Variants in PDS5B observed in about 807,000 individuals in gnomAD.
PDS5B encodes sister chromatid cohesion protein PDS5 homolog B.
PDS5B carries 51 observed loss-of-function variants against 184.1 expected under a neutral mutation model. That is an observed-to-expected ratio of 0.28 (90% CI 0.22 to 0.35). PDS5B has a LOEUF of 0.35. PDS5B is among the 10% of genes least tolerant of loss of function. PDS5B has a pLI of 1.00. For missense variants in PDS5B, 1,180 were observed against 1,723.3 expected (o/e 0.68, Z 5.58); for synonymous variants, 566 against 569.2 (o/e 0.99, Z 0.08).
intron 33 of PDS5B, 159 bp downstream of exon 33, chr13:32,770,920 C>T: frequency 3.2e-6 from 2 of 618,698 alleles, no homozygotes; most frequent in Non-Finnish European, 5.8e-6. Flanking sequence ...TGATTGATAT[C>T]TCAATAAACT....
At chr13:32,645,166 A>G (rs1306727197) in intron 1 of PDS5B, among the ~76,000 whole-genome samples, 7 of 151,992 alleles carry the variant, frequency 4.6e-5, no homozygotes, top group South Asian at 2.1e-4. Context: ...ATTTTTTTGT[A>G]GGGGCAAGAT....
At chr13:32,732,740 C>G (rs1953168889) in intron 20 of PDS5B, among the ~76,000 whole-genome samples, 2 of 151,806 alleles carry the variant, frequency 1.3e-5, no homozygotes, top group South Asian at 4.2e-4. Context: ...TAACTTTTAC[C>G]CAGGCATTGC....
intron 14 of PDS5B, among the ~76,000 whole-genome samples, chr13:32,695,001 C>T (rs1031231002): frequency 1.2e-4 from 18 of 151,724 alleles, no homozygotes; most frequent in African/African-American, 4.1e-4. Flanking sequence ...ATCTCCCTTC[C>T]ACACATACAC....
intron 1 of PDS5B, among the ~76,000 whole-genome samples, chr13:32,589,273 A>G (rs943137403): frequency 6.6e-6 from 1 of 152,226 alleles, no homozygotes; most frequent in African/African-American, 2.4e-5. Flanking sequence ...AAGTTTCCCC[A>G]TTGTCTTTTT....
chr13:32,764,621 T>C (rs775314753), intron 31 of PDS5B, 27 bp downstream of exon 31: 22 of 1,246,632 alleles, frequency 1.8e-5, no homozygotes, highest in East Asian at 2.6e-5. Flanking sequence ...GATTTTATAA[T>C]AATATTAATG....
chr13:32,745,867 A>T (rs1953724839), intron 23 of PDS5B, 110 bp from the exon 24 acceptor site: 1 of 844,054 alleles, frequency 1.2e-6, no homozygotes, highest in Non-Finnish European at 1.8e-6. Flanking sequence ...AGATCACAGC[A>T]TTTTTTTTTA....
intron 17 of PDS5B, among the ~76,000 whole-genome samples, chr13:32,702,083 G>A (rs1372124238): frequency 2.0e-5 from 3 of 151,958 alleles, no homozygotes; most frequent in Non-Finnish European, 1.5e-5. Flanking sequence ...TATATATAGC[G>A]CATACTGACT....
rs1027812292 is a variant in PDS5B, at chr13:32,776,867, C to G, written c.*1815C>G. On this transcript the variant is annotated 3_prime_UTR_variant, in exon 35 of 35. Transcript: ENST00000315596. ...AAAGTGTTTTGAATTGTGTCTTAAT[C>G]TCTCCATATTCAACTATTCTTCATT... The G allele has an allele frequency of 6.6e-6, 1 of 152,350 alleles. No homozygotes were observed. The highest frequency in any genetic ancestry group is 1.5e-5 in the Non-Finnish European group (1 of 67,886). 9.4% of individuals were successfully genotyped at this position (152,350 alleles called of 1,614,324 possible).
chr13:32,631,383 G>T (rs1050236526), intron 1 of PDS5B, among the ~76,000 whole-genome samples: 2 of 152,128 alleles, frequency 1.3e-5, no homozygotes, highest in Admixed American at 6.5e-5. Context: ...GTGAGCCGTG[G>T]CGCTCGGCCC....
intron 1 of PDS5B, among the ~76,000 whole-genome samples, chr13:32,590,773 G>C (rs1406366194): frequency 2.6e-5 from 4 of 152,158 alleles, no homozygotes; most frequent in Non-Finnish European, 5.9e-5. Context: ...CTACCAGGTA[G>C]TTTCAGTTAG....
chr13:32,749,044 G>A (rs1279181255), intron 24 of PDS5B, among the ~76,000 whole-genome samples: 4 of 151,946 alleles, frequency 2.6e-5, no homozygotes, highest in African/African-American at 7.3e-5. Context: ...ATATTTAGGG[G>A]GTTGATGCTT....
chr13:32,612,463 T>G (rs561029218), intron 1 of PDS5B, among the ~76,000 whole-genome samples: 1 of 152,274 alleles, frequency 6.6e-6, no homozygotes, highest in Non-Finnish European at 1.5e-5. Context: ...GTTTAGTATA[T>G]TGACAGAGTT....
chr13:32,652,969 G>A (rs1273458517), intron 3 of PDS5B, among the ~76,000 whole-genome samples: 2 of 152,126 alleles, frequency 1.3e-5, no homozygotes, highest in Non-Finnish European at 2.9e-5. Flanking sequence ...ATGTTTATAA[G>A]GCAGATCAGG....
intron 24 of PDS5B, among the ~76,000 whole-genome samples, chr13:32,746,436 T>C (rs1953745114): frequency 1.3e-5 from 2 of 152,214 alleles, no homozygotes; most frequent in African/African-American, 4.8e-5. Flanking sequence ...CCAGTTAATA[T>C]ACAGCCTTGT....
chr13:32,741,658 T>A (rs935936803), intron 22 of PDS5B, among the ~76,000 whole-genome samples: 1 of 151,830 alleles, frequency 6.6e-6, no homozygotes, highest in African/African-American at 2.4e-5. Flanking sequence ...ACATTAAATA[T>A]TGTTATTTTC....
intron 1 of PDS5B, among the ~76,000 whole-genome samples, chr13:32,612,829 C>A (rs2058163885): frequency 6.6e-6 from 1 of 152,186 alleles, no homozygotes; most frequent in Non-Finnish European, 1.5e-5. Flanking sequence ...CAATCTTGGA[C>A]TTTCCAGTCT....
chr13:32,620,565 G>A (rs1224685873), intron 1 of PDS5B, among the ~76,000 whole-genome samples: 1 of 151,830 alleles, frequency 6.6e-6, no homozygotes, highest in African/African-American at 2.4e-5. Context: ...GCTGAGGCGG[G>A]AGAATGGCGT....
chr13:32,688,857 T>G (rs1379846887), intron 13 of PDS5B: 5 of 342,198 alleles, frequency 1.5e-5, no homozygotes, highest in Non-Finnish European at 2.7e-5. Flanking sequence ...ATGTACCTAT[T>G]CTTTTTTATT....
chr13:32,635,273 A>G (rs1056158282), intron 1 of PDS5B, among the ~76,000 whole-genome samples: 6 of 124,852 alleles, frequency 4.8e-5, no homozygotes, highest in Non-Finnish European at 9.7e-5. Context: ...CCTGCCCTCA[A>G]GTGACCCTCC....
Sources: allele counts gnomAD v4.1 joint callset (sites outside exome capture counted in the v4.1 genomes callset), GRCh38; gene constraint gnomAD v4.1.1; transcripts MANE v1.5; gene names NCBI Gene and HGNC (gene_info 2026-07-23, HGNC 2026-07-21).